Variants in KLK7 observed in about 807,000 individuals in gnomAD.
KLK7 encodes the protein kallikrein-7.
In KLK7, 17 loss-of-function variants were observed where a neutral mutation model predicts 21.0. The ratio of observed to expected loss-of-function variants is 0.81; its 90% CI spans 0.55 to 1.21. The LOEUF (loss-of-function observed/expected upper bound fraction) is 1.21, where lower values mean the gene tolerates loss of function less well. KLK7 is among the 50% of genes most tolerant of loss of function. The probability of loss-of-function intolerance (pLI) is 0.00; values close to 1 mark genes in which losing one functional copy is unlikely to be tolerated. For missense variants in KLK7, 330 were observed against 322.8 expected, an observed-to-expected ratio of 1.02 and a Z score of -0.17; for synonymous variants, 151 against 134.6, an observed-to-expected ratio of 1.12 and a Z score of -0.85.
chr19:50,980,219 T>C (rs750022184), intron 4 of KLK7, 21 bp downstream of exon 4: 1 of 1,612,078 alleles, frequency 6.2e-7, no homozygotes. Flanking sequence ...CCTGCACTCC[T>C]GGGTCACTGA....
chr19:50,979,694 G>A (rs2091061332), intron 5 of KLK7, 94 bp downstream of exon 5: 1 of 1,318,030 alleles, frequency 7.6e-7, no homozygotes, highest in Non-Finnish European at 1.0e-6. Context: ...GGCAAGGCCG[G>A]GCTTGGTACC....
chr19:50,980,867 T>TCCAGAGAGAGAGGCACAGAGAC (rs2091075526), intron 3 of KLK7, among the ~76,000 whole-genome samples: 1 of 61,664 alleles, frequency 1.6e-5, no homozygotes, highest in African/African-American at 7.1e-5. Flanking sequence ...GGGACAGAGA[T>TCCAGAGAGAGAGGCACAGAGAC]CCAGAGAGAG....
chr19:50,979,676 G>A (rs187679732), intron 5 of KLK7, 112 bp downstream of exon 5: 3 of 1,055,552 alleles, frequency 2.8e-6, no homozygotes, highest in Admixed American at 2.2e-5. Context: ...GGCCAGGCCT[G>A]GGGGGAGGGC....
chr19:50,981,077 CAGAG>C (rs2091079204), intron 3 of KLK7, among the ~76,000 whole-genome samples: 1 of 133,748 alleles, frequency 7.5e-6, no homozygotes, highest in South Asian at 2.5e-4. Flanking sequence ...AACAGAGACC[CAGAG>C]AGAGAGGGAC....
rs912576097 is a variant in KLK7, at chr19:50,983,851, C to T, written c.-59G>A. 1.3e-5 allele frequency: 17 copies of T among 1,289,136 alleles called. No individual in the cohort carries two copies. The highest frequency in any genetic ancestry group is 1.5e-5 in the African/African-American group (1 of 65,870). 79.9% of individuals were successfully genotyped at this position (1,289,136 alleles called of 1,614,324 possible). On this transcript the variant is annotated splice_region_variant and 5_prime_UTR_variant, in exon 1 of 6. Coordinates refer to ENST00000595820, the MANE Select transcript of KLK7 (RefSeq NM_005046.4). ...CACCCTTGATGAAGCCTCTTCTCAC[C>T]TCGAGAGGATCTGATGTGATCCAAG...
At chr19:50,977,892 C>T (rs1476205827) in intron 5 of KLK7, among the ~76,000 whole-genome samples, 1 of 152,178 alleles carries the variant, frequency 6.6e-6, no homozygotes, top group Non-Finnish European at 1.5e-5. Context: ...ACTGGTTTGA[C>T]CCTTGGCCAA....
chr19:50,983,677 C>T, intron 1 of KLK7, 174 bp downstream of exon 1: 1 of 956,576 alleles, frequency 1.0e-6, no homozygotes, highest in Non-Finnish European at 1.4e-6. Flanking sequence ...ACCCAAACTT[C>T]TGACTCTGTA....
chr19:50,978,594 G>A (rs2091053263), intron 5 of KLK7, among the ~76,000 whole-genome samples: 1 of 131,810 alleles, frequency 7.6e-6, no homozygotes, highest in African/African-American at 2.8e-5. Flanking sequence ...AGAAGAAAGA[G>A]GGAGAAGAGA....
chr19:50,980,056 G>GAA (rs2091064862), intron 4 of KLK7, 132 bp from the exon 5 acceptor site: 1 of 1,298,356 alleles, frequency 7.7e-7, no homozygotes, highest in Non-Finnish European at 1.0e-6. Flanking sequence ...AGGGAGGAGG[G>GAA]GCTGGGGTCT....
intron 4 of KLK7, 67 bp downstream of exon 4, chr19:50,980,173 G>T (rs2091066507): frequency 1.3e-6 from 2 of 1,520,000 alleles, no homozygotes; most frequent in Admixed American, 1.9e-5. Context: ...GGGGCTGGGG[G>T]CCTGGACTCC....
intron 3 of KLK7, among the ~76,000 whole-genome samples, chr19:50,981,552 G>A (rs1022440261): frequency 6.9e-6 from 1 of 145,868 alleles, no homozygotes; most frequent in African/African-American, 2.6e-5. Context: ...GAGATCCAGA[G>A]AGAGGGGGAC....
At position 50,977,572 on chromosome 19, in the gene KLK7, G is replaced by A; in HGVS notation, c.726C>T (p.Thr242=). 1 of 1,613,936 alleles carries A rather than the reference G, an allele frequency of 6.2e-7. No individual in the cohort carries two copies. Residue 242 remains threonine (T), a synonymous_variant, in exon 6 of 6, where the codon ACC becomes ACT. Transcript: ENST00000595820. ...TTTTCATGGTGTCATTTATCCACTTGGTGAACTTGCACACTTGAGTGTAGA... is the reference window on the plus strand; with the variant it reads ...TTTTCATGGTGTCATTTATCCACTTAGTGAACTTGCACACTTGAGTGTAGA... The part of the protein sequence containing the change: ...PGVYTQVCKF[T]KWINDTMKKH...
intron 5 of KLK7, among the ~76,000 whole-genome samples, chr19:50,978,828 T>A (rs1447626965): frequency 2.7e-5 from 2 of 74,188 alleles, no homozygotes; most frequent in Non-Finnish European, 5.1e-5. Flanking sequence ...GACAGAGAAG[T>A]GGGGGAGAGA....
rs1351271665 is a variant in KLK7, at chr19:50,980,441, C to T, written c.268G>A (p.Ala90Thr). ...LGSDTLGDRR[A>T]QRIKASKSFR... ...GACTTCGAGGCCTTGATCCTCTGAG[C>T]TCTCCTGTCGCCCAGCGTATCACTG... is the stretch of plus-strand genomic sequence containing the variant. The change falls in exon 4 of 6, where the codon GCT becomes ACT. Residue 90 changes from alanine to threonine, a missense_variant. Ala to Thr is a moderately conservative substitution (Grantham distance 58, BLOSUM62 0). Transcript: ENST00000595820. 2 of 1,613,998 alleles carry T rather than the reference C, an allele frequency of 1.2e-6. No homozygotes were observed. The highest frequency in any genetic ancestry group is 1.7e-5 in the Admixed American group (1 of 60,010).
At chr19:50,977,835 A>C in intron 5 of KLK7, 144 bp from the exon 6 acceptor site, 1 of 847,744 alleles carries the variant, frequency 1.2e-6, no homozygotes, top group Non-Finnish European at 1.8e-6. Context: ...GTCTCTGGGG[A>C]CTAATGGGAG....
At chr19:50,982,848 C>CCCCAG (rs2091101225) in intron 1 of KLK7, among the ~76,000 whole-genome samples, 1 of 116,190 alleles carries the variant, frequency 8.6e-6, no homozygotes, top group African/African-American at 3.3e-5. Flanking sequence ...GAGTCCAGGT[C>CCCCAG]CAAGTCCCTC....
At position 50,981,881 on chromosome 19, in the gene KLK7, C is replaced by T; in HGVS notation, c.107G>A (p.Cys36Tyr). The T allele has an allele frequency of 6.2e-7, 1 of 1,612,624 alleles. No homozygotes were observed. The highest frequency in any genetic ancestry group is 8.5e-7 in the Non-Finnish European group (1 of 1,179,618). ...QGDKIIDGAP[C>Y]ARGSHPWQVA... ...CTGCCATGGGTGGGAGCCTCTTGCACATGGGGCGCCATCAATAATCTTGTC... is the reference window on the plus strand; with the variant it reads ...CTGCCATGGGTGGGAGCCTCTTGCATATGGGGCGCCATCAATAATCTTGTC... The change falls in exon 3 of 6, where the codon TGT (cysteine) becomes TAT (tyrosine). Residue 36 changes from cysteine to tyrosine, a missense_variant. Physicochemically the swap from Cys to Tyr is radical, Grantham distance 194. Transcript: ENST00000595820.
Position 50,977,570 on chromosome 19 carries a change from T to G in KLK7, c.728A>C (p.Lys243Thr), listed in dbSNP as rs1194213967. 1.2e-6 allele frequency: 2 copies of G among 1,613,932 alleles called. No individual in the cohort carries two copies. The highest frequency in any genetic ancestry group is 1.3e-5 in the African/African-American group (1 of 74,928). Residue 243 changes from lysine to threonine, a missense_variant, in exon 6 of 6, where the codon AAG (lysine) becomes ACG (threonine). Physicochemically the swap from Lys to Thr is moderately conservative, Grantham distance 78 (BLOSUM62 -1). Transcript: ENST00000595820. ...CTTTTTCATGGTGTCATTTATCCAC[T>G]TGGTGAACTTGCACACTTGAGTGTA... ...GVYTQVCKFT[K>T]WINDTMKKHR
chr19:50,978,396 G>C (rs2091051783), intron 5 of KLK7, among the ~76,000 whole-genome samples: 1 of 151,932 alleles, frequency 6.6e-6, no homozygotes, highest in Non-Finnish European at 1.5e-5. Flanking sequence ...GACAGAGAGA[G>C]TTGGAGGTGG....
Sources: allele counts gnomAD v4.1 joint callset (sites outside exome capture counted in the v4.1 genomes callset), GRCh38; gene constraint gnomAD v4.1.1; transcripts MANE v1.5; gene names NCBI Gene and HGNC (gene_info 2026-07-23, HGNC 2026-07-21).